Variants in ZC3H12A observed in about 807,000 individuals in gnomAD.
The protein encoded by ZC3H12A is zinc finger CCCH-type containing 12A.
A neutral mutation model predicts 29.9 loss-of-function variants in ZC3H12A; 9 were observed. The ratio of observed to expected loss-of-function variants is 0.30; its 90% CI spans 0.18 to 0.53. ZC3H12A has a LOEUF of 0.53. Among genes scored for constraint, ZC3H12A ranks in the 20% least tolerant of loss-of-function variants. The pLI is 0.96. For missense variants in ZC3H12A, 617 were observed against 799.0 expected, an observed-to-expected ratio of 0.77 and a Z score of 2.75; for synonymous variants, 323 against 338.1, an observed-to-expected ratio of 0.96 and a Z score of 0.49.
At chr1:37,474,861 G>T (rs1641548530) in intron 1 of ZC3H12A, among the ~76,000 whole-genome samples, 1 of 152,162 alleles carries the variant, frequency 6.6e-6, no homozygotes, top group Non-Finnish European at 1.5e-5. Context: ...TCGGGATCGC[G>T]GGCCGAGCAA....
At chr1:37,480,583 C>T (rs1641682528) in intron 3 of ZC3H12A, among the ~76,000 whole-genome samples, 154 bp downstream of exon 3, 1 of 152,246 alleles carries the variant, frequency 6.6e-6, no homozygotes, top group African/African-American at 2.4e-5. Flanking sequence ...GCAACCTGCT[C>T]TGAATGGTGG....
chr1:37,481,053 G>A (rs571376659), intron 3 of ZC3H12A, among the ~76,000 whole-genome samples: 9 of 152,330 alleles, frequency 5.9e-5, no homozygotes, highest in South Asian at 4.1e-4. Context: ...GGGGCAGCCT[G>A]TCTGGGACTG....
intron 2 of ZC3H12A, 56 bp from the exon 3 acceptor site, chr1:37,480,234 C>T: frequency 6.3e-7 from 1 of 1,582,864 alleles, no homozygotes; most frequent in Middle Eastern, 1.7e-4. Context: ...CTGCTCAGGC[C>T]TAGGGGGTGG....
At chr1:37,480,237 GGGGGT>G in intron 2 of ZC3H12A, 48 bp from the exon 3 acceptor site, 1 of 1,584,464 alleles carries the variant, frequency 6.3e-7, no homozygotes, top group Non-Finnish European at 8.6e-7. Context: ...CTCAGGCCTA[GGGGGT>G]GGCAGGCTGG....
chr1:37,474,831 G>A (rs951428082), intron 1 of ZC3H12A, among the ~76,000 whole-genome samples: 4 of 152,186 alleles, frequency 2.6e-5, no homozygotes, highest in Admixed American at 2.6e-4. Context: ...GAGAGCCGGG[G>A]AAGAGCACCA....
Position 37,483,083 on chromosome 1 carries a change from G to A in ZC3H12A, c.1272G>A (p.Thr424=), listed in dbSNP as rs376784138. Residue 424 remains threonine (T), a synonymous_variant, in exon 6 of 6, where the codon ACG becomes ACA. Transcript: ENST00000373087. ...SFGPTDWLPQ[T]LDSLPYVSQD... is the part of the protein sequence containing the mutation. ...GGCCCACAGACTGGCTCCCACAGAC[G>A]CTGGACTCACTCCCGTACGTCTCCC... is the stretch of plus-strand genomic sequence containing the variant. The A allele has an allele frequency of 8.9e-5, 144 of 1,611,348 alleles. No individual in the cohort carries two copies. Among genetic ancestry groups the A allele is most frequent in the Middle Eastern group, 3.3e-4 (2 of 6,058 alleles).
chr1:37,475,746 G>A lies in ZC3H12A; in HGVS notation c.250G>A (p.Glu84Lys). The A allele has an allele frequency of 6.2e-7, 1 of 1,613,958 alleles. No homozygotes were observed. Among genetic ancestry groups the A allele is most frequent in the Non-Finnish European group, 8.5e-7 (1 of 1,180,036 alleles). The change falls in exon 2 of 6, where the codon GAG (glutamate) becomes AAG (lysine). Residue 84 changes from glutamate (E) to lysine (K), a missense_variant. Around this residue, in one of 5 missense-constraint regions of ZC3H12A, gnomAD observed 255 missense variants for 402.5 expected, o/e 0.63. Transcript: ENST00000373087. This position sits in a 1 kb window ranked among gnomAD's most constrained non-coding sequence, Gnocchi z 5.2. ...GGCAGACACCAACACGGTGCTGGGT[G>A]AGCTGGTGAAACACGGGACAGCCAC... ...VQADTNTVLG[E>K]LVKHGTATER...
Position 37,483,633 on chromosome 1 carries a change from C to A in ZC3H12A, c.*22C>A. 4.5e-6 allele frequency: 7 copies of A among 1,566,108 alleles called. No homozygotes were observed. Among genetic ancestry groups the A allele is most frequent in the Non-Finnish European group, 6.0e-6 (7 of 1,157,100 alleles). On this transcript the variant is annotated 3_prime_UTR_variant, in exon 6 of 6. Transcript: ENST00000373087. ...GTAAGCTGCCTGTGGCTGGCAAGGGCAGCACCCCCAGCCTCCAAGGGCCGT... is the reference window on the plus strand; with the variant it reads ...GTAAGCTGCCTGTGGCTGGCAAGGGAAGCACCCCCAGCCTCCAAGGGCCGT...
chr1:37,482,425 C>T lies in ZC3H12A; in HGVS notation c.819-9C>T. ...CCCACCTCCAGAGAGTTCTTTGCAC[C>T]CTCTGCAGGTTTATGCCCCCTGATG... On this transcript the variant is annotated splice_polypyrimidine_tract_variant and intron_variant, in intron 4 of 5. Transcript: ENST00000373087. The T allele has an allele frequency of 6.2e-7, 1 of 1,606,086 alleles. No individual in the cohort carries two copies. Among genetic ancestry groups the T allele is most frequent in the Non-Finnish European group, 8.5e-7 (1 of 1,173,948 alleles).
rs1252817417 is a variant in ZC3H12A at position 37,483,195 on chromosome 1, G to A, written c.1384G>A (p.Gly462Ser). The change falls in exon 6 of 6, where the codon GGC (glycine) becomes AGC (serine). Residue 462 changes from glycine to serine, a missense_variant. Physicochemically the swap from Gly to Ser is moderately conservative, Grantham distance 56 (BLOSUM62 0). Around this residue, in one of 5 missense-constraint regions of ZC3H12A, gnomAD observed 172 missense variants for 203.1 expected, o/e 0.85. Coordinates refer to ENST00000373087, the MANE Select transcript of ZC3H12A (RefSeq NM_025079.3). Reference protein sequence around the residue: ...GVRGGGPGEPGPPRAPYTGYS... With the variant: ...GVRGGGPGEPSPPRAPYTGYS... ...TCGAGGAGGAGGCCCTGGTGAGCCG[G>A]GCCCACCCCGAGCCCCTTACACGGG... 2 of 1,613,460 alleles carry A rather than the reference G, an allele frequency of 1.2e-6. No individual in the cohort carries two copies. The highest frequency in any genetic ancestry group is 1.7e-6 in the Non-Finnish European group (2 of 1,179,890).
intron 2 of ZC3H12A, among the ~76,000 whole-genome samples, chr1:37,477,335 G>A (rs943929847): frequency 6.6e-6 from 1 of 152,190 alleles, no homozygotes; most frequent in East Asian, 1.9e-4. Context: ...TGGGAGGAGG[G>A]GCTGTGATGA....
Position 37,480,380 on chromosome 1 carries a change from T to C in ZC3H12A, c.534T>C (p.Phe178=). The C allele has an allele frequency of 1.9e-6, 3 of 1,614,050 alleles. No individual in the cohort carries two copies. The highest frequency in any genetic ancestry group is 1.7e-5 in the Admixed American group (1 of 60,014). Residue 178 remains phenylalanine, a synonymous_variant, in exon 3 of 6, where the codon TTT becomes TTC. Transcript: ENST00000373087. ...LERGHTDITV[F]VPSWRKEQPR... is the part of the protein sequence containing the mutation. Reference sequence around the variant, plus strand: ...GGGGCCACACAGACATCACAGTGTTTGTGCCATCCTGGAGGAAGGAGCAGC... The same window carrying C: ...GGGGCCACACAGACATCACAGTGTTCGTGCCATCCTGGAGGAAGGAGCAGC...
Position 37,481,937 on chromosome 1 carries a change from T to C in ZC3H12A, c.818+102T>C, listed in dbSNP as rs1641716103. 15 of 1,230,254 alleles carry C rather than the reference T, an allele frequency of 1.2e-5. No homozygotes were observed. The South Asian group carries it at 1.8e-4, about 14-fold the overall frequency. The allele number at this position is 1,230,254 out of a possible 1,614,324, so 76.2% of individuals were successfully genotyped here. A position where few individuals can be genotyped will look rare whatever the true frequency, so the allele number is the denominator to read the frequency against. ...CTGGGGGCTGGGCTCTGCGGGGCCCTGTGGCCATGGGAGGTTGCGGGTCTT... is the reference window on the plus strand; with the variant it reads ...CTGGGGGCTGGGCTCTGCGGGGCCCCGTGGCCATGGGAGGTTGCGGGTCTT... On this transcript the variant is annotated intron_variant, in intron 4 of 5. Transcript: ENST00000373087.
At position 37,475,028 on chromosome 1, in the gene ZC3H12A, C is replaced by CT; in HGVS notation, c.-39+400dup. 6.6e-6 allele frequency among the ~76,000 whole-genome samples: 1 copy of CT among 152,336 alleles called. No homozygotes were observed. The highest frequency in any genetic ancestry group is 1.5e-5 in the Non-Finnish European group (1 of 68,020). ...GCCTTGCGCTGCCTGGGCCTGAGCT[C>CT]TGAGTGCCGGACGGGTGGGCGAAAG... On this transcript the variant is annotated intron_variant, in intron 1 of 5. Coordinates refer to ENST00000373087, the MANE Select transcript of ZC3H12A (RefSeq NM_025079.3). This position sits in a 1 kb window ranked among gnomAD's most constrained non-coding sequence, Gnocchi z 5.2.
At chr1:37,480,573 G>T in intron 3 of ZC3H12A, 144 bp downstream of exon 3, 1 of 1,217,022 alleles carries the variant, frequency 8.2e-7, no homozygotes, top group South Asian at 1.6e-5. Context: ...TCTGTCCTTA[G>T]CAACCTGCTC....
rs560020686 is a variant in ZC3H12A, at chr1:37,479,681, C to T, written c.444-609C>T. The T allele has an allele frequency of 7.5e-5, 74 of 985,384 alleles. No individual in the cohort carries two copies. In the African/African-American group the frequency reaches 1.2e-3, roughly 16 times the overall value. The allele number at this position is 985,384 out of a possible 1,614,324, so 61.0% of individuals were successfully genotyped here. A position where few individuals can be genotyped will look rare whatever the true frequency, so the allele number is the denominator to read the frequency against. Reference sequence around the variant, plus strand: ...TGCTGAAGGCTGGAGTCGCCAGCCCCTTCCCCTTTGCCTTTCTCAGGCCCC... The same window carrying T: ...TGCTGAAGGCTGGAGTCGCCAGCCCTTTCCCCTTTGCCTTTCTCAGGCCCC... On this transcript the variant is annotated intron_variant, in intron 2 of 5. Coordinates refer to ENST00000373087, the MANE Select transcript of ZC3H12A (RefSeq NM_025079.3). This position sits in a 1 kb window ranked among gnomAD's most constrained non-coding sequence, Gnocchi z 4.5.
At position 37,483,458 on chromosome 1, in the gene ZC3H12A, G is replaced by A; in HGVS notation, c.1647G>A (p.Leu549=). 3.7e-6 allele frequency: 6 copies of A among 1,614,050 alleles called. No homozygotes were observed. The highest frequency in any genetic ancestry group is 1.1e-5 in the South Asian group (1 of 91,086). Residue 549 remains leucine, a synonymous_variant, in exon 6 of 6, where the codon CTG becomes CTA. Transcript: ENST00000373087. ...GCCCGTGGGGCAGGGCAGGCAGCCT[G>A]GCCAAGGAGCAGGCCAGCGTGTATA... ...GRSPWGRAGS[L]AKEQASVYTK... is the part of the protein sequence containing the mutation.
chr1:37,477,348 G>A (rs1236722066), intron 2 of ZC3H12A, among the ~76,000 whole-genome samples: 1 of 152,162 alleles, frequency 6.6e-6, no homozygotes, highest in East Asian at 1.9e-4. Flanking sequence ...TGTGATGAGG[G>A]GTGCTCAGAG....
In ZC3H12A at chr1:37,475,585, G is replaced by T; in HGVS notation, c.89G>T (p.Gly30Val). The T allele has an allele frequency of 6.2e-7, 1 of 1,614,004 alleles. No homozygotes were observed. Among genetic ancestry groups the T allele is most frequent in the Non-Finnish European group, 8.5e-7 (1 of 1,180,022 alleles). The part of the protein sequence containing the change: ...WEFEDSHSRQ[G>V]TPRPGQELAA... Reference sequence around the variant, plus strand: ...TTTGAGGACAGCCACAGCCGTCAGGGCACCCCAAGGCCGGGTCAAGAGCTG... The same window carrying T: ...TTTGAGGACAGCCACAGCCGTCAGGTCACCCCAAGGCCGGGTCAAGAGCTG... The change falls in exon 2 of 6, where the codon GGC (glycine) becomes GTC (valine). Residue 30 changes from glycine (G) to valine (V), a missense_variant. Physicochemically the swap from Gly to Val is moderately radical, Grantham distance 109. Around this residue, in one of 5 missense-constraint regions of ZC3H12A, gnomAD observed 67 missense variants for 56.2 expected, o/e 1.19. Coordinates refer to ENST00000373087, the MANE Select transcript of ZC3H12A (RefSeq NM_025079.3). The surrounding 1 kb of genome is among the most constrained non-coding windows in gnomAD (Gnocchi z 5.2).
Sources: gnomAD v4.1 joint callset for allele counts (sites outside exome capture counted in the v4.1 genomes callset) on GRCh38, gnomAD v4.1.1 for gene constraint, gnomAD v4.1.1 regional missense constraint, Gnocchi (gnomAD v3.1) non-coding constraint, MANE v1.5 for transcripts, NCBI Gene and HGNC (gene_info 2026-07-23, HGNC 2026-07-21) for gene names.